TGFBI: variants seen among roughly 807,000 people sequenced by gnomAD.
TGFBI encodes transforming growth factor-beta-induced protein ig-h3.
Under a neutral mutation model 73.7 loss-of-function variants are expected in TGFBI, and 50 were observed. That is an observed-to-expected ratio of 0.68 (90% CI 0.54 to 0.86). The LOEUF (loss-of-function observed/expected upper bound fraction) is 0.86, where lower values mean the gene tolerates loss of function less well. Among genes scored for constraint, TGFBI ranks in the 40% least tolerant of loss-of-function variants. The pLI is 0.00. For missense variants in TGFBI, 839 were observed against 877.0 expected (o/e 0.96, Z 0.55); for synonymous variants, 362 against 360.5 (o/e 1.00, Z -0.05).
At chr5:136,062,835 C>T in intron 16 of TGFBI, 148 bp downstream of exon 16, 1 of 850,114 alleles carries the variant, frequency 1.2e-6, no homozygotes. Context: ...AGCAGGGTGA[C>T]TTGGGGTCAG....
chr5:136,047,033 A>T lies in TGFBI; in HGVS notation c.624+18A>T, dbSNP rs1310626468. 5 of 1,609,042 alleles carry T rather than the reference A, an allele frequency of 3.1e-6. No individual in the cohort carries two copies. Among genetic ancestry groups the T allele is most frequent in the South Asian group, 1.1e-5 (1 of 90,866 alleles). ...CTAATGGGGTAGGGGATCCCCAGCC[A>T]TACTGCATGGCCCTTGGTGCATAAT... On this transcript the variant is annotated intron_variant, in intron 5 of 16. Transcript: ENST00000442011.
intron 2 of TGFBI, among the ~76,000 whole-genome samples, chr5:136,043,167 G>A (rs1751369199): frequency 1.3e-5 from 2 of 152,224 alleles, no homozygotes; most frequent in South Asian, 4.1e-4. Context: ...AAGGTACAGG[G>A]TAGCCTTCAG....
chr5:136,061,657 C>T (rs554126008), intron 15 of TGFBI, 78 bp downstream of exon 15: 2 of 1,213,976 alleles, frequency 1.6e-6, no homozygotes, highest in African/African-American at 3.0e-5. Flanking sequence ...GCCTCTCCAG[C>T]CCCTGTCTTC....
chr5:136,032,469 G>C (rs1351841814), intron 1 of TGFBI, among the ~76,000 whole-genome samples: 1 of 152,180 alleles, frequency 6.6e-6, no homozygotes, highest in Non-Finnish European at 1.5e-5. Context: ...AATCATGATG[G>C]GGACAGTAGG....
chr5:136,054,973 T>G (rs1216487317), intron 10 of TGFBI, 112 bp downstream of exon 10: 3 of 1,294,258 alleles, frequency 2.3e-6, no homozygotes, highest in Non-Finnish European at 3.2e-6. Flanking sequence ...AACTGGTTGC[T>G]GACAAGGAAG....
At chr5:136,056,496 C>A in intron 11 of TGFBI, 169 bp from the exon 12 acceptor site, 1 of 761,694 alleles carries the variant, frequency 1.3e-6, no homozygotes, top group Admixed American at 2.8e-5. Context: ...TGGAATCACT[C>A]CCTCTTTGTG....
chr5:136,033,760 C>T lies in TGFBI; in HGVS notation c.135-3C>T, dbSNP rs1751164491. 6.2e-7 allele frequency: 1 copy of T among 1,612,866 alleles called. No individual in the cohort carries two copies. On this transcript the variant is annotated splice_region_variant and splice_polypyrimidine_tract_variant and intron_variant, in intron 1 of 16. Coordinates refer to ENST00000442011, the MANE Select transcript of TGFBI (RefSeq NM_000358.3). ...TTCCTAATTCTGCTGCTTTTGTTTT[C>T]AGCCCCAACGTGTGTGCTGTGCAGA...
intron 7 of TGFBI, chr5:136,049,933 TG>T (rs1751501301): frequency 5.2e-6 from 1 of 192,066 alleles, no homozygotes. Context: ...CTTACAGGTG[TG>T]GGGGTGGCAG....
intron 1 of TGFBI, among the ~76,000 whole-genome samples, 158 bp downstream of exon 1, chr5:136,029,347 G>A (rs571590050): frequency 6.6e-6 from 1 of 152,092 alleles, no homozygotes; most frequent in Admixed American, 6.5e-5. Context: ...CCCTGCACGC[G>A]GTGGAAGGAG....
intron 13 of TGFBI, 71 bp from the exon 14 acceptor site, chr5:136,060,763 A>G (rs13168506): frequency 0.53 from 633,330 of 1,201,018 alleles, 169,648 homozygotes; most frequent in African/African-American, 0.74. Flanking sequence ...CACTTGCTGA[A>G]TGAATAAAAT....
intron 3 of TGFBI, among the ~76,000 whole-genome samples, chr5:136,045,101 T>C (rs1458755618): frequency 6.6e-6 from 1 of 152,184 alleles, no homozygotes; most frequent in Non-Finnish European, 1.5e-5. Context: ...TTGGCTATTT[T>C]TTTAGTTAAG....
chr5:136,046,766 A>G, intron 4 of TGFBI, 85 bp from the exon 5 acceptor site: 1 of 1,489,740 alleles, frequency 6.7e-7, no homozygotes, highest in South Asian at 1.3e-5. Context: ...ACGAGGGCTG[A>G]GAACATGTTT....
chr5:136,054,153 C>G (rs1316041671), intron 9 of TGFBI, 73 bp downstream of exon 9: 1 of 1,562,402 alleles, frequency 6.4e-7, no homozygotes, highest in Non-Finnish European at 8.7e-7. Flanking sequence ...CTCCACAACA[C>G]TCTCCGATTT....
rs115532933 is a variant in TGFBI at position 136,054,896 on chromosome 5, G to A, written c.1410+35G>A. On this transcript the variant is annotated intron_variant, in intron 10 of 16. Coordinates refer to ENST00000442011, the MANE Select transcript of TGFBI (RefSeq NM_000358.3). ...GGGTCCTAAATCATGCTCCTGGGAA[G>A]CTCCTTACTGTGGGACTTGTATTAG... The A allele has an allele frequency of 2.8e-4, 447 of 1,605,366 alleles. 3 individuals are homozygous for A. In the African/African-American group the frequency reaches 5.5e-3, roughly 20 times the overall value.
chr5:136,048,135 G>A (rs913280461), intron 6 of TGFBI: 36 of 152,354 alleles, frequency 2.4e-4, no homozygotes, highest in African/African-American at 8.7e-4. Flanking sequence ...CCAACACAGA[G>A]AGACAAACAC....
rs561318939 is a variant in TGFBI at position 136,035,247 on chromosome 5, C to T, written c.233+1386C>T. 7.9e-5 allele frequency among the ~76,000 whole-genome samples: 12 copies of T among 152,260 alleles called. No homozygotes were observed. In the South Asian group the frequency reaches 8.3e-4, roughly 11 times the overall value. ...CAAGATTCAGCTAACAGACACCCAG[C>T]GATATTCTTGCTGCTATGAACAAAA... On this transcript the variant is annotated intron_variant, in intron 2 of 16. Transcript: ENST00000442011.
intron 1 of TGFBI, among the ~76,000 whole-genome samples, chr5:136,032,246 A>C (rs930087004): frequency 1.3e-5 from 2 of 152,092 alleles, no homozygotes; most frequent in Non-Finnish European, 2.9e-5. Flanking sequence ...TCCAGCCTTC[A>C]CTTCTCTTGT....
chr5:136,042,581 A>G (rs1561608385), intron 2 of TGFBI, among the ~76,000 whole-genome samples: 2 of 152,194 alleles, frequency 1.3e-5, no homozygotes, highest in African/African-American at 4.8e-5. Flanking sequence ...TTTAGCCCTT[A>G]TAAGTTCAGG....
Position 136,029,209 on chromosome 5 carries a change from C to A in TGFBI, c.134+20C>A. 6.8e-7 allele frequency: 1 copy of A among 1,460,008 alleles called. No homozygotes were observed. The highest frequency in any genetic ancestry group is 2.4e-5 in the Admixed American group (1 of 42,064). The allele number at this position is 1,460,008 out of a possible 1,614,324, so 90.4% of individuals were successfully genotyped here. Reference sequence around the variant, plus strand: ...GCACGGGTAAGCCGAGCCGCCTGGCCAGGGGCTGCGGAAGGTCAGGTAGTC... The same window carrying A: ...GCACGGGTAAGCCGAGCCGCCTGGCAAGGGGCTGCGGAAGGTCAGGTAGTC... On this transcript the variant is annotated intron_variant, in intron 1 of 16. Transcript: ENST00000442011.
Sources: allele counts gnomAD v4.1 joint callset (sites outside exome capture counted in the v4.1 genomes callset), GRCh38; gene constraint gnomAD v4.1.1; transcripts MANE v1.5; gene names NCBI Gene and HGNC (gene_info 2026-07-23, HGNC 2026-07-21).